ATP2A2: variants seen among roughly 807,000 people sequenced by gnomAD.
ATP2A2 encodes the protein sarcoplasmic/endoplasmic reticulum calcium ATPase 2.
A neutral mutation model predicts 109.3 loss-of-function variants in ATP2A2; 14 were observed. The ratio of observed to expected loss-of-function variants is 0.13; its 90% CI spans 0.08 to 0.20. The LOEUF (loss-of-function observed/expected upper bound fraction) is 0.20, where lower values mean the gene tolerates loss of function less well. ATP2A2 is among the 10% of genes least tolerant of loss of function. The probability of loss-of-function intolerance (pLI) is 1.00; values close to 1 mark genes in which losing one functional copy is unlikely to be tolerated. For synonymous variants in ATP2A2, 506 were observed against 490.9 expected, an observed-to-expected ratio of 1.03 and a Z score of -0.41; for missense variants, 657 against 1,321.6, an observed-to-expected ratio of 0.50 and a Z score of 7.80.
chr12:110,281,784 G>A lies in ATP2A2; in HGVS notation c.-6G>A. 1 of 1,499,728 alleles carries A rather than the reference G, an allele frequency of 6.7e-7. No homozygotes were observed. The highest frequency in any genetic ancestry group is 8.9e-7 in the Non-Finnish European group (1 of 1,121,414). 92.9% of individuals were successfully genotyped at this position (1,499,728 alleles called of 1,614,324 possible). ...GGGAGGCGAGGCCGGCCGGGCCCCC[G>A]AAGCCATGGAGAACGCGCACACCAA... On this transcript the variant is annotated 5_prime_UTR_variant, in exon 1 of 20. Transcript: ENST00000539276.
chr12:110,304,996 T>C (rs1440076521), intron 5 of ATP2A2, among the ~76,000 whole-genome samples: 1 of 151,976 alleles, frequency 6.6e-6, no homozygotes, highest in Non-Finnish European at 1.5e-5. Flanking sequence ...GCGAGTGGCA[T>C]GATCTCGGCT....
chr12:110,314,991 C>CAAGT (rs1876509631), intron 5 of ATP2A2, among the ~76,000 whole-genome samples: 3 of 152,048 alleles, frequency 2.0e-5, no homozygotes. Flanking sequence ...CTCAGCCTCC[C>CAAGT]AAGTAGCTGG....
At position 110,299,650 on chromosome 12, in the gene ATP2A2, G is replaced by A. The variant is rs145951278; in HGVS notation, c.463+2913G>A. 2.6e-3 allele frequency among the ~76,000 whole-genome samples: 390 copies of A among 151,836 alleles called. 2 individuals carry two copies. Among genetic ancestry groups the A allele is most frequent in the African/African-American group, 8.5e-3 (350 of 41,400 alleles). ...TTGTTTTGTTTTGAGATGGAGTTTCGCTCTTGTTGCCCAGGCTGGAGTGCA... is the reference window on the plus strand; with the variant it reads ...TTGTTTTGTTTTGAGATGGAGTTTCACTCTTGTTGCCCAGGCTGGAGTGCA... On this transcript the variant is annotated intron_variant, in intron 5 of 19. Transcript: ENST00000539276.
intron 5 of ATP2A2, among the ~76,000 whole-genome samples, chr12:110,308,382 A>G (rs936912363): frequency 3.3e-5 from 5 of 152,028 alleles, no homozygotes; most frequent in African/African-American, 1.2e-4. Flanking sequence ...ATGTTGAGGA[A>G]GCCTAGTTAC....
Position 110,349,129 on chromosome 12 carries a change from C to T in ATP2A2, c.*2659C>T, listed in dbSNP as rs993559489. The T allele has an allele frequency of 1.0e-6, 1 of 985,384 alleles. No homozygotes were observed. Among genetic ancestry groups the T allele is most frequent in the Admixed American group, 6.1e-5 (1 of 16,266 alleles). The allele number at this position is 985,384 out of a possible 1,614,324, so 61.0% of individuals were successfully genotyped here. On this transcript the variant is annotated 3_prime_UTR_variant, in exon 20 of 20. Transcript: ENST00000539276. ...GACAGCTGGGAGTGGGTTAGGCCCA[C>T]TGCTGTTTTGAGCAGGGCCACTTGC...
intron 11 of ATP2A2, among the ~76,000 whole-genome samples, chr12:110,336,977 C>A (rs1336539249): frequency 2.6e-5 from 4 of 152,158 alleles, no homozygotes; most frequent in African/African-American, 7.2e-5. Flanking sequence ...GGGTTTGAGT[C>A]GTTTGATTCT....
intron 5 of ATP2A2, among the ~76,000 whole-genome samples, chr12:110,302,982 A>G (rs1311956093): frequency 2.0e-5 from 3 of 152,132 alleles, no homozygotes; most frequent in Non-Finnish European, 4.4e-5. Context: ...GACCTTTTTA[A>G]CTGAGTAATG....
At chr12:110,317,015 G>C (rs1050411046) in intron 5 of ATP2A2, among the ~76,000 whole-genome samples, 1 of 152,172 alleles carries the variant, frequency 6.6e-6, no homozygotes, top group African/African-American at 2.4e-5. Context: ...AACCACAGTA[G>C]TATAATGGGG....
chr12:110,285,568 G>A (rs904656302), intron 3 of ATP2A2, among the ~76,000 whole-genome samples: 1 of 152,148 alleles, frequency 6.6e-6, no homozygotes, highest in Non-Finnish European at 1.5e-5. Context: ...GAAAAATAAA[G>A]CAAGGGGGTT....
intron 8 of ATP2A2, 157 bp from the exon 9 acceptor site, chr12:110,332,440 C>G: frequency 1.4e-6 from 1 of 709,342 alleles, no homozygotes; most frequent in Non-Finnish European, 2.6e-6. Context: ...AGGGACAGTA[C>G]TGCTGATGCT....
chr12:110,304,494 A>G (rs950236291), intron 5 of ATP2A2, among the ~76,000 whole-genome samples: 3 of 152,208 alleles, frequency 2.0e-5, no homozygotes, highest in Non-Finnish European at 2.9e-5. Context: ...GGAAGTGAGT[A>G]TCATTGTGGT....
At chr12:110,343,882 G>A (rs1056323556) in intron 16 of ATP2A2, among the ~76,000 whole-genome samples, 4 of 152,104 alleles carry the variant, frequency 2.6e-5, no homozygotes, top group South Asian at 2.1e-4. Flanking sequence ...TCCTCACCCC[G>A]GGTTCTTCCC....
At chr12:110,281,056 G>A (rs1871997374), upstream of ATP2A2, 1 of 151,210 alleles carries the variant, frequency 6.6e-6, no homozygotes, top group Non-Finnish European at 1.5e-5. Flanking sequence ...CCTCGATCCG[G>A]GTTCCTAGGG....
chr12:110,282,455 A>G, intron 1 of ATP2A2, 149 bp from the exon 2 acceptor site: 1 of 1,108,504 alleles, frequency 9.0e-7, no homozygotes, highest in Admixed American at 1.9e-5. Flanking sequence ...AAAATCGGAT[A>G]TTCTTATAGC....
intron 3 of ATP2A2, among the ~76,000 whole-genome samples, chr12:110,289,371 A>G (rs1044207655): frequency 3.3e-5 from 5 of 152,318 alleles, no homozygotes; most frequent in African/African-American, 1.2e-4. Context: ...TCCTGCATCT[A>G]TCAAAATTTA....
At chr12:110,345,949 G>C (rs901273912) in intron 18 of ATP2A2, 52 bp from the exon 19 acceptor site, 9 of 1,565,616 alleles carry the variant, frequency 5.7e-6, no homozygotes, top group African/African-American at 2.7e-5. Flanking sequence ...CTGCCACTGT[G>C]ACACGTGCCT....
At chr12:110,294,318 C>G (rs1180339409) in intron 4 of ATP2A2, among the ~76,000 whole-genome samples, 1 of 152,156 alleles carries the variant, frequency 6.6e-6, no homozygotes, top group Non-Finnish European at 1.5e-5. Flanking sequence ...GCCGGGATTA[C>G]AAGTGTGAGC....
In ATP2A2 at chr12:110,340,617, T is replaced by G; in HGVS notation, c.1762-42T>G. 1 of 1,606,462 alleles carries G rather than the reference T, an allele frequency of 6.2e-7. No individual in the cohort carries two copies. The highest frequency in any genetic ancestry group is 8.5e-7 in the Non-Finnish European group (1 of 1,173,700). Reference sequence around the variant, plus strand: ...ATTTTTCAAACTAGGGGACAAAAACTAGAACTTGCCACTTTTATTTAAAGT... The same window carrying G: ...ATTTTTCAAACTAGGGGACAAAAACGAGAACTTGCCACTTTTATTTAAAGT... On this transcript the variant is annotated intron_variant, in intron 13 of 19. Transcript: ENST00000539276. This position sits in a 1 kb window ranked among gnomAD's most constrained non-coding sequence, Gnocchi z 6.0.
In ATP2A2 at chr12:110,347,321, A is replaced by G. The variant is rs926698267; in HGVS notation, c.*851A>G. 6 of 1,275,118 alleles carry G rather than the reference A, an allele frequency of 4.7e-6. No homozygotes were observed. In the Admixed American group the frequency reaches 1.2e-4, roughly 25 times the overall value. 79.0% of individuals were successfully genotyped at this position (1,275,118 alleles called of 1,614,324 possible). A position where few individuals can be genotyped will look rare whatever the true frequency, so the allele number is the denominator to read the frequency against. Reference sequence around the variant, plus strand: ...TAAAACATTTTAAATGGACAGAGAAAAATAACTGTCTTGTCTTTAACTCGT... The same window carrying G: ...TAAAACATTTTAAATGGACAGAGAAGAATAACTGTCTTGTCTTTAACTCGT... On this transcript the variant is annotated 3_prime_UTR_variant, in exon 20 of 20. Transcript: ENST00000539276.
Sources: gnomAD v4.1 joint callset for allele counts (sites outside exome capture counted in the v4.1 genomes callset) on GRCh38, gnomAD v4.1.1 for gene constraint, Gnocchi (gnomAD v3.1) non-coding constraint, MANE v1.5 for transcripts, NCBI Gene and HGNC (gene_info 2026-07-23, HGNC 2026-07-21) for gene names.